TMEM163: variants seen among roughly 807,000 people sequenced by gnomAD.
TMEM163 encodes transmembrane protein 163.
Under a neutral mutation model 29.3 loss-of-function variants are expected in TMEM163, and 17 were observed. The ratio of observed to expected loss-of-function variants is 0.58; its 90% CI spans 0.40 to 0.87. TMEM163 has a LOEUF of 0.87. Ranked by LOEUF, TMEM163 falls within the 40% of genes least tolerant of loss-of-function variation. The pLI, the probability that TMEM163 is intolerant of heterozygous loss-of-function variation, is 0.00. For missense variants in TMEM163, 303 were observed against 381.5 expected (o/e 0.79, Z 1.71); for synonymous variants, 157 against 160.6 (o/e 0.98, Z 0.17).
At chr2:134,562,097 G>A (rs1324828375) in intron 2 of TMEM163, among the ~76,000 whole-genome samples, 1 of 152,208 alleles carries the variant, frequency 6.6e-6, no homozygotes, top group Non-Finnish European at 1.5e-5. Flanking sequence ...GTTGCTGGGA[G>A]TTTGAAGCTT....
At chr2:134,567,649 C>T (rs1681326366) in intron 2 of TMEM163, among the ~76,000 whole-genome samples, 1 of 152,154 alleles carries the variant, frequency 6.6e-6, no homozygotes, top group South Asian at 2.1e-4. Flanking sequence ...CTAGATCACA[C>T]CATTGCACTC....
intron 2 of TMEM163, among the ~76,000 whole-genome samples, chr2:134,587,534 T>A (rs953274225): frequency 6.6e-6 from 1 of 152,192 alleles, no homozygotes; most frequent in South Asian, 2.1e-4. Flanking sequence ...CCTGTCTTCC[T>A]GCACGTCCAG....
At chr2:134,644,762 A>T (rs1470493844) in intron 2 of TMEM163, among the ~76,000 whole-genome samples, 1 of 152,170 alleles carries the variant, frequency 6.6e-6, no homozygotes, top group Non-Finnish European at 1.5e-5. Flanking sequence ...GAAAAAATTG[A>T]TCAACTGACT....
intron 4 of TMEM163, among the ~76,000 whole-genome samples, chr2:134,549,947 C>A (rs565231331): frequency 6.6e-6 from 1 of 152,232 alleles, no homozygotes; most frequent in South Asian, 2.1e-4. Context: ...GGGAATGAGG[C>A]ACAGAGCAGT....
At chr2:134,577,568 C>A (rs573914415) in intron 2 of TMEM163, among the ~76,000 whole-genome samples, 1 of 152,286 alleles carries the variant, frequency 6.6e-6, no homozygotes, top group South Asian at 2.1e-4. Context: ...AGAGGGGCTA[C>A]AGCCAGAGGT....
intron 2 of TMEM163, among the ~76,000 whole-genome samples, chr2:134,562,807 AG>A (rs1200765570): frequency 9.2e-5 from 14 of 152,222 alleles, no homozygotes; most frequent in African/African-American, 3.4e-4. Flanking sequence ...CAAAGCAACA[AG>A]AAACATGAAA....
At chr2:134,527,207 C>T (rs1437423286) in intron 4 of TMEM163, among the ~76,000 whole-genome samples, 1 of 152,168 alleles carries the variant, frequency 6.6e-6, no homozygotes, top group East Asian at 1.9e-4. Flanking sequence ...TCTCCTTTCA[C>T]TTGCCCTGAC....
intron 2 of TMEM163, among the ~76,000 whole-genome samples, chr2:134,647,610 T>G (rs1411260781): frequency 6.6e-6 from 1 of 152,186 alleles, no homozygotes; most frequent in African/African-American, 2.4e-5. Flanking sequence ...ACACCACAGA[T>G]ACTAAGAAAA....
chr2:134,543,073 TG>T (rs754968052), intron 4 of TMEM163, among the ~76,000 whole-genome samples: 3 of 152,340 alleles, frequency 2.0e-5, no homozygotes, highest in Non-Finnish European at 4.4e-5. Context: ...TCTTCCGTAC[TG>T]GGGGACAAGG....
intron 2 of TMEM163, among the ~76,000 whole-genome samples, chr2:134,672,142 T>G (rs969043117): frequency 6.6e-6 from 1 of 152,226 alleles, no homozygotes; most frequent in African/African-American, 2.4e-5. Context: ...CTGTTGCTAT[T>G]TCTGCCTCAA....
intron 2 of TMEM163, among the ~76,000 whole-genome samples, chr2:134,622,804 C>T (rs1682768736): frequency 6.6e-6 from 1 of 151,974 alleles, no homozygotes; most frequent in South Asian, 2.1e-4. Flanking sequence ...CTCTTGTTGC[C>T]CAGACTGGAG....
rs140630385 is a variant in TMEM163 at position 134,641,551 on chromosome 2, T to C, written c.322+71649A>G. On this transcript the variant is annotated intron_variant, in intron 2 of 7. Coordinates refer to ENST00000281924, the MANE Select transcript of TMEM163 (RefSeq NM_030923.5). The stretch of plus-strand genomic sequence containing the variant: ...TCAAGCAACAGATGGAAGGAGAAAA[T>C]ATGTGCAATACATATATCTGGCAGA... 1.3e-3 allele frequency among the ~76,000 whole-genome samples: 192 copies of C among 152,074 alleles called. No individual in the cohort carries two copies. In the South Asian group the frequency reaches 0.014, roughly 11 times the overall value.
chr2:134,714,984 T>C (rs962997411), intron 1 of TMEM163, among the ~76,000 whole-genome samples: 1 of 152,210 alleles, frequency 6.6e-6, no homozygotes, highest in Non-Finnish European at 1.5e-5. Flanking sequence ...TATGTCCCTT[T>C]TCCCAAATGA....
chr2:134,506,733 G>A (rs193009411), intron 4 of TMEM163, among the ~76,000 whole-genome samples: 91 of 152,346 alleles, frequency 6.0e-4, no homozygotes, highest in Non-Finnish European at 9.1e-4. Flanking sequence ...AGGATGCTGT[G>A]AAGATTTGAG....
intron 4 of TMEM163, 86 bp downstream of exon 4, chr2:134,550,484 G>A: frequency 7.7e-7 from 1 of 1,302,296 alleles, no homozygotes; most frequent in Non-Finnish European, 1.1e-6. Context: ...GACAAAAGCT[G>A]CAGGGCAAGC....
In TMEM163 at chr2:134,699,789, T is replaced by C. The variant is rs1684657831; in HGVS notation, c.322+13411A>G. Reference sequence around the variant, plus strand: ...CAATTTTTGTTTGAGTGCTCTGGGGTTTTGTTGTTTGGTATATGCAAATTC... The same window carrying C: ...CAATTTTTGTTTGAGTGCTCTGGGGCTTTGTTGTTTGGTATATGCAAATTC... On this transcript the variant is annotated intron_variant, in intron 2 of 7. Transcript: ENST00000281924. Among the ~76,000 whole-genome samples, 3 of 152,210 alleles carry C rather than the reference T, an allele frequency of 2.0e-5. No individual in the cohort carries two copies. In the South Asian group the frequency reaches 6.2e-4, roughly 32 times the overall value.
chr2:134,471,370 T>A (rs1481563248), intron 5 of TMEM163, among the ~76,000 whole-genome samples: 1 of 152,070 alleles, frequency 6.6e-6, no homozygotes, highest in African/African-American at 2.4e-5. Flanking sequence ...AGAAGATCTT[T>A]TTCCCCACCA....
chr2:134,653,211 C>A, intron 2 of TMEM163, among the ~76,000 whole-genome samples: 1 of 80,288 alleles, frequency 1.2e-5, no homozygotes, highest in African/African-American at 7.3e-5. Flanking sequence ...TCGATTATTG[C>A]CACAATTTCA....
intron 4 of TMEM163, among the ~76,000 whole-genome samples, chr2:134,528,937 C>T (rs1680354063): frequency 1.3e-5 from 2 of 152,148 alleles, no homozygotes; most frequent in South Asian, 2.1e-4. Flanking sequence ...AAAGGAAGTA[C>T]ATCAAGATTT....
Sources: gnomAD v4.1 joint callset for allele counts (sites outside exome capture counted in the v4.1 genomes callset) on GRCh38, gnomAD v4.1.1 for gene constraint, MANE v1.5 for transcripts, NCBI Gene and HGNC (gene_info 2026-07-23, HGNC 2026-07-21) for gene names.